SP100: variants seen among roughly 807,000 people sequenced by gnomAD.
SP100 encodes SP100 nuclear body protein.
In SP100, 84 loss-of-function variants were observed where a neutral mutation model predicts 130.0. The ratio of observed to expected loss-of-function variants is 0.65; its 90% confidence interval spans 0.54 to 0.77. The LOEUF is 0.77. Ranked by LOEUF, SP100 falls within the 30% of genes least tolerant of loss-of-function variation. The pLI, the probability that SP100 is intolerant of heterozygous loss-of-function variation, is 0.00. For synonymous variants in SP100, 331 were observed against 351.7 expected (o/e 0.94, Z 0.66); for missense variants, 978 against 1,052.2 (o/e 0.93, Z 0.97).
chr2:230,528,279 C>A (rs1214005795), intron 24 of SP100, among the ~76,000 whole-genome samples: 3 of 152,196 alleles, frequency 2.0e-5, no homozygotes, highest in Non-Finnish European at 4.4e-5. Flanking sequence ...ATAAACTACT[C>A]AAAACTGCAC....
chr2:230,539,322 G>A lies in SP100; in HGVS notation c.2150G>A (p.Cys717Tyr). 6.2e-7 allele frequency: 1 copy of A among 1,614,018 alleles called. No individual in the cohort carries two copies. Among genetic ancestry groups the A allele is most frequent in the Non-Finnish European group, 8.5e-7 (1 of 1,179,920 alleles). ...VCNKWGRLFC[C>Y]DTCPRSFHEH... ...AACAAATGGGGACGGCTGTTCTGCT[G>A]CGACACTTGTCCAAGATCCTTTCAT... The change falls in exon 25 of 29, where the codon TGC becomes TAC. Residue 717 changes from cysteine to tyrosine, a missense_variant. Transcript: ENST00000340126.
chr2:230,468,093 GTGAGA>G (rs2065053007), intron 13 of SP100, among the ~76,000 whole-genome samples: 2 of 152,180 alleles, frequency 1.3e-5, no homozygotes, highest in Admixed American at 1.3e-4. Flanking sequence ...TAAAAGGTGG[GTGAGA>G]TAACTATTGT....
intron 7 of SP100, 44 bp downstream of exon 7, chr2:230,449,754 C>A (rs1471902713): frequency 6.2e-7 from 1 of 1,606,386 alleles, no homozygotes; most frequent in South Asian, 1.1e-5. Context: ...AGCCAAGGGG[C>A]CCTGGCTGGT....
intron 15 of SP100, among the ~76,000 whole-genome samples, chr2:230,472,485 G>A (rs1445446237): frequency 1.4e-5 from 2 of 140,380 alleles, no homozygotes; most frequent in African/African-American, 5.4e-5. Context: ...CAAGCTAGAA[G>A]AGAGAATAGA....
At chr2:230,523,593 T>G (rs1368873524) in intron 24 of SP100, among the ~76,000 whole-genome samples, 2 of 152,206 alleles carry the variant, frequency 1.3e-5, no homozygotes, top group Non-Finnish European at 2.9e-5. Context: ...ACATCTTTAA[T>G]AAACAATCTG....
Position 230,541,997 on chromosome 2 carries a change from A to T in SP100, c.2509A>T (p.Met837Leu). Residue 837 changes from methionine (M) to leucine (L), a missense_variant, in exon 28 of 29, where the codon ATG becomes TTG. By Grantham distance (15) the Met-to-Leu change is conservative (BLOSUM62 2). Transcript: ENST00000340126. ...YTRVEGFVQDMRLIFHNHKEF... is the reference protein window; with the variant it reads ...YTRVEGFVQDLRLIFHNHKEF... ...CCGAGTAGAAGGGTTTGTGCAGGAC[A>T]TGCGTCTCATCTTTCATAACCACAA... 1 of 1,614,106 alleles carries T rather than the reference A, an allele frequency of 6.2e-7. No homozygotes were observed.
chr2:230,428,774 A>G (rs1461271544), intron 2 of SP100, among the ~76,000 whole-genome samples: 2 of 152,164 alleles, frequency 1.3e-5, no homozygotes, highest in South Asian at 2.1e-4. Flanking sequence ...ACTAGATCTC[A>G]TAAGAACTCA....
rs1201385657 is a variant in SP100 at position 230,498,506 on chromosome 2, A to G, written c.1691A>G (p.Lys564Arg). 2.0e-6 allele frequency: 3 copies of G among 1,513,304 alleles called. No individual in the cohort carries two copies. Among genetic ancestry groups the G allele is most frequent in the Non-Finnish European group, 2.6e-6 (3 of 1,139,298 alleles). The allele number at this position is 1,513,304 out of a possible 1,614,324, so 93.7% of individuals were successfully genotyped here. Residue 564 changes from lysine to arginine, a missense_variant, in exon 19 of 29, where the codon AAA (lysine) becomes AGA (arginine). Coordinates refer to ENST00000340126, the MANE Select transcript of SP100 (RefSeq NM_001080391.2). ...RPRKHLTLNNKVQKKRWQQRG... is the reference protein window; with the variant it reads ...RPRKHLTLNNRVQKKRWQQRG... ...AGAAAACATTTAACTCTGAATAACA[A>G]AGTCCAAAAGAAAAGATGGCAACAA... is the stretch of plus-strand genomic sequence containing the variant.
At chr2:230,443,430 T>A (rs577935239) in intron 3 of SP100, among the ~76,000 whole-genome samples, 42 of 152,290 alleles carry the variant, frequency 2.8e-4, no homozygotes, top group Non-Finnish European at 4.7e-4. Context: ...CACTATAACA[T>A]AAACTAAAAC....
chr2:230,473,933 A>G (rs1389679716), intron 16 of SP100, among the ~76,000 whole-genome samples: 1 of 152,056 alleles, frequency 6.6e-6, no homozygotes, highest in East Asian at 1.9e-4. Flanking sequence ...TAATAGTGTC[A>G]TTTTGTCACA....
intron 24 of SP100, among the ~76,000 whole-genome samples, 177 bp downstream of exon 24, chr2:230,511,343 G>A (rs1690572043): frequency 6.6e-6 from 1 of 152,232 alleles, no homozygotes; most frequent in South Asian, 2.1e-4. Context: ...CAGTGCAAAA[G>A]CAGCCTTTTG....
Position 230,446,846 on chromosome 2 carries a change from A to G in SP100, c.467A>G (p.Glu156Gly), listed in dbSNP as rs777843746. 9 of 1,611,838 alleles carry G rather than the reference A, an allele frequency of 5.6e-6. No individual in the cohort carries two copies. Among genetic ancestry groups the G allele is most frequent in the South Asian group, 4.4e-5 (4 of 90,876 alleles). ...NVIHDKLPLQESEEEEREERS... is the reference protein window; with the variant it reads ...NVIHDKLPLQGSEEEEREERS... ...ATCCATGACAAATTGCCTCTCCAAG[A>G]AAGTGAAGAAGAAGAGAGGGAGGAG... The change falls in exon 5 of 29, where the codon GAA becomes GGA. Residue 156 changes from glutamate to glycine, a missense_variant. Coordinates refer to ENST00000340126, the MANE Select transcript of SP100 (RefSeq NM_001080391.2).
chr2:230,496,375 G>A (rs992957057), intron 18 of SP100, among the ~76,000 whole-genome samples: 1 of 152,156 alleles, frequency 6.6e-6, no homozygotes, highest in African/African-American at 2.4e-5. Context: ...GAAATTATGT[G>A]GTAGGGAAGC....
At position 230,416,270 on chromosome 2, in the gene SP100, G is replaced by A; in HGVS notation, c.-27G>A. The A allele has an allele frequency of 1.2e-6, 2 of 1,608,242 alleles. No individual in the cohort carries two copies. The highest frequency in any genetic ancestry group is 2.2e-5 in the South Asian group (2 of 90,714). Reference sequence around the variant, plus strand: ...GAGGGGCTCAGAGGCCAGGCTCTGAGGCCCACGCAGGGCCTAGGGTGGGAA... The same window carrying A: ...GAGGGGCTCAGAGGCCAGGCTCTGAAGCCCACGCAGGGCCTAGGGTGGGAA... On this transcript the variant is annotated 5_prime_UTR_variant, in exon 1 of 29. Coordinates refer to ENST00000340126, the MANE Select transcript of SP100 (RefSeq NM_001080391.2).
chr2:230,537,203 G>A (rs1691979620), intron 24 of SP100, among the ~76,000 whole-genome samples: 1 of 152,172 alleles, frequency 6.6e-6, no homozygotes, highest in Non-Finnish European at 1.5e-5. Context: ...AGGCTGCAGT[G>A]AGCTGTGATC....
chr2:230,417,460 C>T, intron 1 of SP100, 131 bp from the exon 2 acceptor site: 2 of 1,164,268 alleles, frequency 1.7e-6, no homozygotes, highest in Non-Finnish European at 1.2e-6. Flanking sequence ...GCTATCATAA[C>T]AATGATTATA....
At chr2:230,474,219 TAGACGAAGACCTTAG>T (rs1175222924) in intron 16 of SP100, among the ~76,000 whole-genome samples, 160 bp from the exon 17 acceptor site, 3 of 152,350 alleles carry the variant, frequency 2.0e-5, no homozygotes, top group East Asian at 1.9e-4. Flanking sequence ...CTCAGAGAAC[TAGACGAAGACCTTAG>T]ACATCAATTC....
rs941963763 is a variant in SP100, at chr2:230,544,049, G to A, written c.*1103G>A. The stretch of plus-strand genomic sequence containing the variant: ...GATCGTCGATAAAAACAAGCAATGG[G>A]AAAAAGACTCCCTATTTTATAAATG... On this transcript the variant is annotated 3_prime_UTR_variant, in exon 29 of 29. Transcript: ENST00000340126. The A allele has an allele frequency of 6.6e-6, 1 of 152,094 alleles. No individual in the cohort carries two copies. Among genetic ancestry groups the A allele is most frequent in the Non-Finnish European group, 1.5e-5 (1 of 68,010 alleles). The allele number at this position is 152,094 out of a possible 1,614,324, so 9.4% of individuals were successfully genotyped here. A position where few individuals can be genotyped will look rare whatever the true frequency, so the allele number is the denominator to read the frequency against.
chr2:230,543,051 C>A lies in SP100; in HGVS notation c.*105C>A. 1 of 589,870 alleles carries A rather than the reference C, an allele frequency of 1.7e-6. No homozygotes were observed. The highest frequency in any genetic ancestry group is 2.6e-5 in the South Asian group (1 of 38,938). 36.5% of individuals were successfully genotyped at this position (589,870 alleles called of 1,614,324 possible). A position where few individuals can be genotyped will look rare whatever the true frequency, so the allele number is the denominator to read the frequency against. ...CCTGTGGAAACTCCACATCACAATT[C>A]TCCAAAATTTATCATTGCCATTTTA... On this transcript the variant is annotated 3_prime_UTR_variant, in exon 29 of 29. Coordinates refer to ENST00000340126, the MANE Select transcript of SP100 (RefSeq NM_001080391.2).
Sources: gnomAD v4.1 joint callset for allele counts (sites outside exome capture counted in the v4.1 genomes callset) on GRCh38, gnomAD v4.1.1 for gene constraint, MANE v1.5 for transcripts, NCBI Gene and HGNC (gene_info 2026-07-23, HGNC 2026-07-21) for gene names.